Variants in CADPS2 observed in about 807,000 individuals in gnomAD.
CADPS2 encodes calcium-dependent secretion activator 2.
CADPS2 carries 93 observed loss-of-function variants against 172.5 expected under a neutral mutation model. The ratio of observed to expected loss-of-function variants is 0.54; its 90% confidence interval spans 0.46 to 0.64. CADPS2 has a LOEUF of 0.64. Among genes scored for constraint, CADPS2 ranks in the 30% least tolerant of loss-of-function variants. The pLI, the probability that CADPS2 is intolerant of heterozygous loss-of-function variation, is 0.00. For synonymous variants in CADPS2, 546 were observed against 555.2 expected (o/e 0.98, Z 0.23); for missense variants, 1,420 against 1,565.9 (o/e 0.91, Z 1.57).
At chr7:122,558,102 T>C (rs371542669) in intron 7 of CADPS2, among the ~76,000 whole-genome samples, 56 of 152,318 alleles carry the variant, frequency 3.7e-4, no homozygotes, top group African/African-American at 1.3e-3. Flanking sequence ...ATTATTGAAA[T>C]GTAACGACTT....
At chr7:122,438,218 G>A (rs1329812985) in intron 17 of CADPS2, 123 bp downstream of exon 17, 11 of 1,222,928 alleles carry the variant, frequency 9.0e-6, no homozygotes, top group Non-Finnish European at 1.3e-5. Flanking sequence ...AGATTTTAAT[G>A]AGACATTTCC....
At chr7:122,713,677 A>G (rs1241213662) in intron 2 of CADPS2, among the ~76,000 whole-genome samples, 3 of 152,068 alleles carry the variant, frequency 2.0e-5, no homozygotes, top group African/African-American at 7.2e-5. Context: ...TATAACATAT[A>G]TTCTTGAAGA....
intron 17 of CADPS2, among the ~76,000 whole-genome samples, chr7:122,433,281 T>A (rs997936486): frequency 6.6e-6 from 1 of 151,928 alleles, no homozygotes; most frequent in African/African-American, 2.4e-5. Context: ...ATGCTCTCCC[T>A]GGAATATAAC....
chr7:122,735,303 G>A (rs193277951), intron 2 of CADPS2, among the ~76,000 whole-genome samples: 1 of 152,160 alleles, frequency 6.6e-6, no homozygotes, highest in East Asian at 1.9e-4. Flanking sequence ...ACCATAAACC[G>A]AATCTGTCTA....
intron 3 of CADPS2, among the ~76,000 whole-genome samples, chr7:122,659,309 A>AT (rs1186405197): frequency 2.0e-5 from 2 of 101,462 alleles, no homozygotes; most frequent in East Asian, 2.6e-4. Flanking sequence ...AATGCTAGAC[A>AT]TAAAAAAAAA....
chr7:122,648,247 C>A (rs971688599), intron 3 of CADPS2, among the ~76,000 whole-genome samples: 1 of 152,078 alleles, frequency 6.6e-6, no homozygotes, highest in Non-Finnish European at 1.5e-5. Context: ...GAACTCTGTC[C>A]TGGGCTCCTT....
intron 1 of CADPS2, among the ~76,000 whole-genome samples, chr7:122,861,080 T>C (rs1816837787): frequency 6.6e-6 from 1 of 152,206 alleles, no homozygotes; most frequent in Non-Finnish European, 1.5e-5. Flanking sequence ...TACATATATG[T>C]CTTGACATAT....
intron 2 of CADPS2, among the ~76,000 whole-genome samples, chr7:122,673,392 A>G (rs1198420270): frequency 1.3e-5 from 2 of 152,224 alleles, no homozygotes; most frequent in African/African-American, 4.8e-5. Flanking sequence ...TGAGCTAGAC[A>G]CAGAGTGCTG....
intron 25 of CADPS2, among the ~76,000 whole-genome samples, chr7:122,376,131 T>C (rs1335846483): frequency 6.6e-6 from 1 of 152,128 alleles, no homozygotes; most frequent in Non-Finnish European, 1.5e-5. Context: ...TTGGTGGATA[T>C]GTAAATTGGT....
chr7:122,797,014 A>G (rs1213454765), intron 1 of CADPS2, among the ~76,000 whole-genome samples: 1 of 150,362 alleles, frequency 6.7e-6, no homozygotes, highest in Non-Finnish European at 1.5e-5. Flanking sequence ...AATTTACAAG[A>G]AAAAAAAACA....
chr7:122,862,716 TC>T (rs1458066286), intron 1 of CADPS2, among the ~76,000 whole-genome samples: 1 of 151,860 alleles, frequency 6.6e-6, no homozygotes, highest in Non-Finnish European at 1.5e-5. Context: ...ATCAATAAGC[TC>T]CATTTTGTTT....
chr7:122,452,857 A>C (rs1350640459), intron 14 of CADPS2, among the ~76,000 whole-genome samples: 2 of 152,140 alleles, frequency 1.3e-5, no homozygotes, highest in Non-Finnish European at 2.9e-5. Flanking sequence ...CAAGATTTTT[A>C]TTTGTTCCTC....
chr7:122,610,180 T>C (rs576723913), intron 6 of CADPS2, among the ~76,000 whole-genome samples: 275 of 152,076 alleles, frequency 1.8e-3, no homozygotes, highest in African/African-American at 6.2e-3. Flanking sequence ...TGGGGGCTTA[T>C]TATAATACTT....
intron 3 of CADPS2, among the ~76,000 whole-genome samples, chr7:122,661,626 C>T (rs1433586182): frequency 2.6e-5 from 4 of 152,076 alleles, no homozygotes; most frequent in Admixed American, 2.0e-4. Context: ...GTCATCACTC[C>T]CATCCTCAGA....
chr7:122,663,118 G>T (rs1588225207), intron 3 of CADPS2, 119 bp downstream of exon 3: 1 of 726,196 alleles, frequency 1.4e-6, no homozygotes, highest in Non-Finnish European at 2.2e-6. Flanking sequence ...ATTCAATTTT[G>T]CTCAACTTTC....
chr7:122,682,373 C>T (rs756383430), intron 2 of CADPS2, among the ~76,000 whole-genome samples: 4 of 152,186 alleles, frequency 2.6e-5, no homozygotes, highest in Non-Finnish European at 5.9e-5. Flanking sequence ...TCAGCCTAAG[C>T]CATCTCTTCC....
chr7:122,581,351 T>A lies in CADPS2; in HGVS notation c.1224-61A>T, dbSNP rs186391942. ...AGCATTATTTTTTTCCCCAAGGAGA[T>A]GTGTCTCCATAGAAGGCAAATTAAA... On this transcript the variant is annotated intron_variant, in intron 6 of 29. Coordinates refer to ENST00000449022, the MANE Select transcript of CADPS2 (RefSeq NM_017954.11). The A allele has an allele frequency of 1.9e-4, 245 of 1,287,256 alleles. 1 individual carries two copies. In the African/African-American group the frequency reaches 3.3e-3, roughly 17 times the overall value. The allele number at this position is 1,287,256 out of a possible 1,614,324, so 79.7% of individuals were successfully genotyped here.
intron 1 of CADPS2, among the ~76,000 whole-genome samples, chr7:122,807,526 C>T (rs888935696): frequency 5.9e-5 from 9 of 152,212 alleles, no homozygotes; most frequent in African/African-American, 7.2e-5. Flanking sequence ...AACCCAGCCT[C>T]GGGAGGCGGC....
intron 3 of CADPS2, among the ~76,000 whole-genome samples, chr7:122,661,387 C>A (rs899761148): frequency 6.6e-6 from 1 of 151,780 alleles, no homozygotes; most frequent in African/African-American, 2.4e-5. Flanking sequence ...AGTAGGCAGA[C>A]AACTTAAACA....
Sources: allele counts gnomAD v4.1 joint callset (sites outside exome capture counted in the v4.1 genomes callset), GRCh38; gene constraint gnomAD v4.1.1; transcripts MANE v1.5; gene names NCBI Gene and HGNC (gene_info 2026-07-23, HGNC 2026-07-21).